The following KLRC1 variants were observed in gnomAD, a reference collection of about 807,000 sequenced individuals.
KLRC1 encodes killer cell lectin like receptor C1.
KLRC1 carries 22 observed loss-of-function variants against 25.9 expected under a neutral mutation model. The ratio of observed to expected loss-of-function variants is 0.85; its 90% CI spans 0.61 to 1.21. The LOEUF (loss-of-function observed/expected upper bound fraction) is 1.21, where lower values mean the gene tolerates loss of function less well. KLRC1 is among the 50% of genes most tolerant of loss of function. The pLI is 0.00. For missense variants in KLRC1, 240 were observed against 272.2 expected (o/e 0.88, Z 0.83); for synonymous variants, 77 against 93.1 (o/e 0.83, Z 0.99).
At chr12:10,453,159 AGGTAGGCTAGTAG>A in intron 1 of KLRC1, 26 bp downstream of exon 1, 1 of 908,508 alleles carries the variant, frequency 1.1e-6, no homozygotes, top group South Asian at 5.1e-5. Flanking sequence ...CCACTAAATG[AGGTAGGCTAGTAG>A]AGAGTTGGAG....
chr12:10,446,333 A>G lies in KLRC1; in HGVS notation c.*218T>C. The G allele has an allele frequency of 7.8e-7, 1 of 1,275,054 alleles. No homozygotes were observed. Among genetic ancestry groups the G allele is most frequent in the East Asian group, 3.4e-5 (1 of 29,128 alleles). 79.0% of individuals were successfully genotyped at this position (1,275,054 alleles called of 1,614,324 possible). A position where few individuals can be genotyped will look rare whatever the true frequency, so the allele number is the denominator to read the frequency against. On this transcript the variant is annotated 3_prime_UTR_variant, in exon 7 of 7. Transcript: ENST00000359151. ...TAACATGCAACTTTTAGAAAGGCTG[A>G]AAACCACAAATACCATGTTGAGCAA...
chr12:10,443,238 T>C (rs1438586153), downstream of KLRC1, among the ~76,000 whole-genome samples: 29 of 141,258 alleles, frequency 2.1e-4, 8 homozygotes, highest in African/African-American at 6.0e-4. Flanking sequence ...GCACTGCATG[T>C]CTCCCTCAAA....
In KLRC1 at chr12:10,447,524, C is replaced by A. The variant is rs34583642; in HGVS notation, c.590+8G>T. On this transcript the variant is annotated splice_region_variant and intron_variant, in intron 6 of 6. Coordinates refer to ENST00000359151, the MANE Select transcript of KLRC1 (RefSeq NM_002259.5). Reference sequence around the variant, plus strand: ...TATTGTTATATAGCGCCATACAAAACAACTTACTCATGTTTGAAAGCCAAA... The same window carrying A: ...TATTGTTATATAGCGCCATACAAAAAAACTTACTCATGTTTGAAAGCCAAA... 2 of 1,600,716 alleles carry A rather than the reference C, an allele frequency of 1.2e-6. No homozygotes were observed. Among genetic ancestry groups the A allele is most frequent in the Non-Finnish European group, 1.7e-6 (2 of 1,170,774 alleles).
At chr12:10,449,192 C>A (rs778159152) in intron 5 of KLRC1, 45 bp downstream of exon 5, 1 of 1,610,686 alleles carries the variant, frequency 6.2e-7, no homozygotes, top group Non-Finnish European at 8.5e-7. Context: ...ATATTATCGA[C>A]CGAAAGAAGC....
Position 10,448,973 on chromosome 12 carries a change from A to G in KLRC1, c.489+264T>C, listed in dbSNP as rs1051704028. Among the ~76,000 whole-genome samples, 5 of 152,232 alleles carry G rather than the reference A, an allele frequency of 3.3e-5. No homozygotes were observed. In the East Asian group the frequency reaches 7.7e-4, roughly 23 times the overall value. On this transcript the variant is annotated intron_variant, in intron 5 of 6. Coordinates refer to ENST00000359151, the MANE Select transcript of KLRC1 (RefSeq NM_002259.5). ...GCATGACCAGATCACATCATGCCCG[A>G]TAAAATTAGATAGCAAAATGTATTG...
downstream of KLRC1, among the ~76,000 whole-genome samples, chr12:10,444,360 A>T (rs1863948159): frequency 6.7e-6 from 1 of 150,254 alleles, no homozygotes; most frequent in South Asian, 2.1e-4. Flanking sequence ...TACTAAAAAT[A>T]TACACCTACT....
chr12:10,446,005 T>G (rs1863976422), downstream of KLRC1: 1 of 149,054 alleles, frequency 6.7e-6, no homozygotes, highest in African/African-American at 2.5e-5. Context: ...ATAAATGCAG[T>G]CACAAATAAT....
At chr12:10,451,575 G>C (rs746406908) in intron 1 of KLRC1, among the ~76,000 whole-genome samples, 24 of 151,924 alleles carry the variant, frequency 1.6e-4, no homozygotes, top group Non-Finnish European at 3.5e-4. Flanking sequence ...AGAATCTCTT[G>C]AACATGGGCG....
intron 2 of KLRC1, 32 bp downstream of exon 2, chr12:10,450,938 C>A: frequency 1.3e-6 from 2 of 1,510,942 alleles, no homozygotes; most frequent in South Asian, 1.2e-5. Flanking sequence ...ACATCCTAGA[C>A]TGTTATATTG....
intron 1 of KLRC1, among the ~76,000 whole-genome samples, chr12:10,452,347 G>A (rs898077999): frequency 3.9e-5 from 6 of 152,120 alleles, no homozygotes; most frequent in African/African-American, 1.2e-4. Flanking sequence ...TTCAGATAAT[G>A]TAATTAAATC....
chr12:10,443,517 C>T (rs1298489577), downstream of KLRC1, among the ~76,000 whole-genome samples: 1 of 139,024 alleles, frequency 7.2e-6, no homozygotes, highest in South Asian at 2.2e-4. Flanking sequence ...GTACCTAATG[C>T]TACAAGTTCA....
chr12:10,443,478 C>T (rs1457277246), downstream of KLRC1, among the ~76,000 whole-genome samples: 5 of 20,870 alleles, frequency 2.4e-4, no homozygotes, highest in East Asian at 9.1e-3. Flanking sequence ...TTCCAAACCA[C>T]TAGTAATATA....
intron 6 of KLRC1, chr12:10,447,211 A>AT (rs200612886): frequency 4.3e-3 from 872 of 204,768 alleles, no homozygotes; most frequent in South Asian, 6.9e-3. Context: ...ACATTCTGTG[A>AT]TTTTTTTTTT....
intron 6 of KLRC1, chr12:10,447,209 T>C (rs1864005629): frequency 4.7e-6 from 1 of 210,878 alleles, no homozygotes; most frequent in South Asian, 1.1e-4. Flanking sequence ...AAACATTCTG[T>C]GATTTTTTTT....
At chr12:10,449,842 T>C (rs1864083883) in intron 4 of KLRC1, 72 bp downstream of exon 4, 2 of 1,246,302 alleles carry the variant, frequency 1.6e-6, no homozygotes, top group South Asian at 3.5e-5. Flanking sequence ...ACCCAAAATT[T>C]TATTTTTGTA....
At chr12:10,450,933 C>G (rs560755215) in intron 2 of KLRC1, 37 bp downstream of exon 2, 2 of 1,493,998 alleles carry the variant, frequency 1.3e-6, no homozygotes, top group Admixed American at 3.6e-5. Context: ...GCTGCACATC[C>G]TAGACTGTTA....
Position 10,446,120 on chromosome 12 carries a change from T to A in KLRC1, c.*431A>T, listed in dbSNP as rs1863979390. 1 of 159,532 alleles carries A rather than the reference T, an allele frequency of 6.3e-6. No individual in the cohort carries two copies. The highest frequency in any genetic ancestry group is 2.4e-5 in the African/African-American group (1 of 41,458). 9.9% of individuals were successfully genotyped at this position (159,532 alleles called of 1,614,324 possible). ...ATGATTAAAAATCAATGATGTTTAG[T>A]ATATTCGCAGAGTTACAACCATCAC... is the stretch of plus-strand genomic sequence containing the variant. On this transcript the variant is annotated 3_prime_UTR_variant, in exon 7 of 7. Coordinates refer to ENST00000359151, the MANE Select transcript of KLRC1 (RefSeq NM_002259.5).
downstream of KLRC1, among the ~76,000 whole-genome samples, chr12:10,443,888 C>T (rs1863942149): frequency 7.2e-6 from 1 of 138,674 alleles, no homozygotes; most frequent in South Asian, 2.2e-4. Context: ...TCTCAGCACA[C>T]TAGCCACATC....
At position 10,450,954 on chromosome 12, in the gene KLRC1, C is replaced by A. The variant is rs1864111962; in HGVS notation, c.187+16G>T. 2 of 1,583,630 alleles carry A rather than the reference C, an allele frequency of 1.3e-6. No homozygotes were observed. Among genetic ancestry groups the A allele is most frequent in the South Asian group, 1.2e-5 (1 of 86,530 alleles). ...CATCCTAGACTGTTATATTGAGGAT[C>A]TTTTAAATGCTTTACCTTTGCAGTG... On this transcript the variant is annotated intron_variant, in intron 2 of 6. Coordinates refer to ENST00000359151, the MANE Select transcript of KLRC1 (RefSeq NM_002259.5).
Sources: gnomAD v4.1 joint callset for allele counts (sites outside exome capture counted in the v4.1 genomes callset) on GRCh38, gnomAD v4.1.1 for gene constraint, MANE v1.5 for transcripts, NCBI Gene and HGNC (gene_info 2026-07-23, HGNC 2026-07-21) for gene names.